The following ATRX variants were observed in gnomAD, a reference collection of about 807,000 sequenced individuals.
ATRX encodes the protein chromatin remodeler ATRX.
ATRX carries 12 observed loss-of-function variants against 172.6 expected under a neutral mutation model. The observed-to-expected ratio is 0.07, with a 90% confidence interval of 0.04 to 0.11. The LOEUF is 0.11. Ranked by LOEUF, ATRX falls within the 10% of genes least tolerant of loss-of-function variation. The pLI, the probability that ATRX is intolerant of heterozygous loss-of-function variation, is 1.00. For missense variants in ATRX, 1,368 were observed against 1,767.4 expected (o/e 0.77, Z 4.05); for synonymous variants, 674 against 594.7 (o/e 1.13, Z -1.94).
rs1464482809 is a variant in ATRX, at chrX:77,770,465, C to G, written c.20+15517G>C. ...CCACCCAAGTGATTAAAATTACCAT[C>G]ATCAGTAATGGGACCAACCAATGTC... On this transcript the variant is annotated intron_variant, in intron 1 of 34. Coordinates refer to ENST00000373344, the MANE Select transcript of ATRX (RefSeq NM_000489.6). Among the ~76,000 whole-genome samples the G allele has an allele frequency of 5.4e-5, 6 of 111,308 alleles. No homozygotes were observed. The Admixed American group carries it at 5.8e-4, about 11-fold the overall frequency.
At chrX:77,536,993 T>C (rs1557048583) in intron 30 of ATRX, among the ~76,000 whole-genome samples, 1 of 112,139 alleles carries the variant, frequency 8.9e-6, no homozygotes, top group East Asian at 2.8e-4. Flanking sequence ...GTGTTTGCAC[T>C]ATCCAAGACA....
At chrX:77,544,809 G>C (rs1321802862) in intron 30 of ATRX, among the ~76,000 whole-genome samples, 2 of 110,708 alleles carry the variant, frequency 1.8e-5, no homozygotes, top group Non-Finnish European at 3.8e-5. Flanking sequence ...TCTTAATCCA[G>C]TCCATCATTG....
At chrX:77,780,541 G>T (rs1557205066) in intron 1 of ATRX, among the ~76,000 whole-genome samples, 1 of 109,018 alleles carries the variant, frequency 9.2e-6, no homozygotes, top group Non-Finnish European at 1.9e-5. Context: ...TCTTGGCCAG[G>T]CTGGTCTTGA....
At chrX:77,640,478 A>G (rs2068601528) in intron 15 of ATRX, among the ~76,000 whole-genome samples, 1 of 111,754 alleles carries the variant, frequency 8.9e-6, no homozygotes, top group Admixed American at 9.5e-5. Flanking sequence ...AAAAAAAATC[A>G]TATGACCAAA....
At chrX:77,717,941 C>A (rs1378719675) in intron 1 of ATRX, among the ~76,000 whole-genome samples, 2 of 111,241 alleles carry the variant, frequency 1.8e-5, no homozygotes, top group African/African-American at 3.3e-5. Flanking sequence ...TAAATTATAT[C>A]CATTGCTATT....
chrX:77,723,668 TG>T (rs2073888009), intron 1 of ATRX, among the ~76,000 whole-genome samples: 1 of 111,171 alleles, frequency 9.0e-6, no homozygotes, highest in African/African-American at 3.3e-5. Context: ...AGATAGAAAA[TG>T]AGACCTGAGG....
intron 30 of ATRX, among the ~76,000 whole-genome samples, chrX:77,536,648 GA>G (rs1232152467): frequency 2.7e-5 from 3 of 111,541 alleles, no homozygotes; most frequent in African/African-American, 9.8e-5. Context: ...TGAAAATGGG[GA>G]AAAAAATTAA....
At chrX:77,578,005 A>G (rs1372535962) in intron 27 of ATRX, among the ~76,000 whole-genome samples, 1 of 111,712 alleles carries the variant, frequency 9.0e-6, no homozygotes, top group Non-Finnish European at 1.9e-5. Context: ...AGAAGTGGCC[A>G]CGTGTCATAG....
intron 28 of ATRX, among the ~76,000 whole-genome samples, chrX:77,566,997 G>C (rs782567010): frequency 9.0e-6 from 1 of 111,277 alleles, no homozygotes; most frequent in Admixed American, 9.6e-5. Flanking sequence ...AAAGAGGTAA[G>C]GTTTCTGCAC....
At chrX:77,681,075 G>T (rs1557136494) in intron 9 of ATRX, among the ~76,000 whole-genome samples, 1 of 111,009 alleles carries the variant, frequency 9.0e-6, no homozygotes, top group African/African-American at 3.3e-5. Flanking sequence ...ATAATTAAAG[G>T]GGATTTCATG....
At chrX:77,712,227 ACTT>A (rs2073145998) in intron 2 of ATRX, among the ~76,000 whole-genome samples, 2 of 111,919 alleles carry the variant, frequency 1.8e-5, no homozygotes, top group South Asian at 3.7e-4. Context: ...AGCCATTGCC[ACTT>A]CTTCTTCCAT....
rs1557141045 is a variant in ATRX, at chrX:77,683,606, A to G, written c.1650T>C (p.Ser550=). The G allele has an allele frequency of 8.3e-7, 1 of 1,211,764 alleles. No homozygotes were observed. The change falls in exon 9 of 35, where the codon AGT becomes AGC. Residue 550 remains serine, a synonymous_variant. Coordinates refer to ENST00000373344, the MANE Select transcript of ATRX (RefSeq NM_000489.6). ...SSVDHQGDGS[S]GTEQEVESSS... is the part of the protein sequence containing the mutation. ...AACTCTCCACTTCTTGTTCAGTTCC[A>G]CTGCTGCCATCCCCTTGATGATCAA... is the stretch of plus-strand genomic sequence containing the variant.
chrX:77,728,902 C>T (rs1557174645), intron 1 of ATRX, among the ~76,000 whole-genome samples: 1 of 107,397 alleles, frequency 9.3e-6, no homozygotes, highest in Non-Finnish European at 1.9e-5. Context: ...CCTGGGACTA[C>T]AGGCATGCAC....
At chrX:77,572,051 A>G (rs1396545640) in intron 28 of ATRX, among the ~76,000 whole-genome samples, 1 of 111,654 alleles carries the variant, frequency 9.0e-6, no homozygotes, top group Non-Finnish European at 1.9e-5. Context: ...ACATTTGTGG[A>G]TTTTTTCCTT....
chrX:77,684,731 C>T (rs2071457335), intron 8 of ATRX, 138 bp from the exon 9 acceptor site: 3 of 818,818 alleles, frequency 3.7e-6, no homozygotes, highest in Middle Eastern at 6.7e-4. Context: ...AATTTTACTG[C>T]CAGTAATTTT....
At chrX:77,624,132 T>C (rs2067713403) in intron 19 of ATRX, among the ~76,000 whole-genome samples, 1 of 111,491 alleles carries the variant, frequency 9.0e-6, no homozygotes, top group African/African-American at 3.3e-5. Context: ...TTTGGGAGGC[T>C]GAGCGGGCAG....
chrX:77,777,191 TAAAAAAAAAAAAAAAAA>T (rs782165810), intron 1 of ATRX, among the ~76,000 whole-genome samples: 6 of 21,042 alleles, frequency 2.9e-4, no homozygotes, highest in Admixed American at 8.6e-4. Flanking sequence ...CTGTCTCTAC[TAAAAAAAAAAAAAAAAA>T]AAAAAAAAAA....
At chrX:77,607,566 T>C (rs1195348081) in intron 22 of ATRX, among the ~76,000 whole-genome samples, 1 of 109,111 alleles carries the variant, frequency 9.2e-6, no homozygotes, top group Non-Finnish European at 1.9e-5. Flanking sequence ...ATACAAAAAT[T>C]AGCGGAGCAT....
chrX:77,768,991 C>T (rs1471997820), intron 1 of ATRX, among the ~76,000 whole-genome samples: 1 of 111,081 alleles, frequency 9.0e-6, no homozygotes, highest in Non-Finnish European at 1.9e-5. Context: ...CCATCACAAG[C>T]CACAATTTTT....
Sources: gnomAD v4.1 joint callset for allele counts (sites outside exome capture counted in the v4.1 genomes callset) on GRCh38, gnomAD v4.1.1 for gene constraint, MANE v1.5 for transcripts, NCBI Gene and HGNC (gene_info 2026-07-23, HGNC 2026-07-21) for gene names.